PROS1: variants seen among roughly 807,000 people sequenced by gnomAD.
PROS1 encodes vitamin K-dependent protein S.
PROS1 carries 29 observed loss-of-function variants against 75.9 expected under a neutral mutation model. That is an observed-to-expected ratio of 0.38 (90% CI 0.28 to 0.52). The LOEUF (loss-of-function observed/expected upper bound fraction) is 0.52, where lower values mean the gene tolerates loss of function less well. PROS1 is among the 20% of genes least tolerant of loss of function. PROS1 has a pLI of 0.83. For synonymous variants in PROS1, 245 were observed against 280.6 expected, an observed-to-expected ratio of 0.87 and a Z score of 1.27; for missense variants, 680 against 810.3, an observed-to-expected ratio of 0.84 and a Z score of 1.95.
chr3:93,970,628 C>T (rs562843959), intron 1 of PROS1, among the ~76,000 whole-genome samples: 8 of 152,204 alleles, frequency 5.3e-5, no homozygotes, highest in Admixed American at 3.3e-4. Flanking sequence ...CAGGCATGAG[C>T]GGCTATGACC....
intron 1 of PROS1, among the ~76,000 whole-genome samples, chr3:93,930,302 G>C (rs1259691976): frequency 2.0e-5 from 3 of 152,100 alleles, no homozygotes. Context: ...AGCCTGACGT[G>C]GGCAATTATC....
At chr3:93,949,964 A>G (rs1709466473) in intron 1 of PROS1, among the ~76,000 whole-genome samples, 1 of 152,204 alleles carries the variant, frequency 6.6e-6, no homozygotes, top group Non-Finnish European at 1.5e-5. Flanking sequence ...GTACCTGGAA[A>G]ATAGGGACAC....
At chr3:93,947,368 C>T (rs1204427760) in intron 1 of PROS1, among the ~76,000 whole-genome samples, 1 of 152,014 alleles carries the variant, frequency 6.6e-6, no homozygotes, top group Non-Finnish European at 1.5e-5. Flanking sequence ...CTCTCTCCCT[C>T]TTCTGTTTGC....
At chr3:93,957,097 G>A (rs557634045) in intron 1 of PROS1, among the ~76,000 whole-genome samples, 23 of 152,040 alleles carry the variant, frequency 1.5e-4, no homozygotes, top group Middle Eastern at 6.8e-3. Context: ...CTAAAAGTCC[G>A]AAAATATAGT....
intron 1 of PROS1, among the ~76,000 whole-genome samples, chr3:93,931,009 A>G (rs1312365329): frequency 1.3e-5 from 2 of 152,238 alleles, no homozygotes; most frequent in Non-Finnish European, 2.9e-5. Context: ...AATTTTGTCT[A>G]AATATATTTG....
At chr3:93,935,871 T>C (rs1038481598) in intron 1 of PROS1, among the ~76,000 whole-genome samples, 1 of 149,998 alleles carries the variant, frequency 6.7e-6, no homozygotes, top group African/African-American at 2.5e-5. Flanking sequence ...GAGAATATCA[T>C]TGGGCTAAGG....
chr3:93,949,104 A>C (rs1709450124), intron 1 of PROS1, among the ~76,000 whole-genome samples: 1 of 152,226 alleles, frequency 6.6e-6, no homozygotes, highest in East Asian at 1.9e-4. Context: ...CTCACTAAGC[A>C]GGAGATTCCT....
intron 6 of PROS1, 61 bp downstream of exon 6, chr3:93,905,723 T>C: frequency 1.3e-6 from 2 of 1,567,778 alleles, no homozygotes; most frequent in South Asian, 2.3e-5. Flanking sequence ...TAGTAAAATT[T>C]CTCTAACTGG....
chr3:93,874,218 A>C lies in PROS1; in HGVS notation c.*27T>G. 3 of 1,610,782 alleles carry C rather than the reference A, an allele frequency of 1.9e-6. No individual in the cohort carries two copies. Among genetic ancestry groups the C allele is most frequent in the Non-Finnish European group, 2.5e-6 (3 of 1,177,160 alleles). On this transcript the variant is annotated 3_prime_UTR_variant, in exon 15 of 15. Transcript: ENST00000394236. ...ATAAGTATAATTACACACAAGGAAA[A>C]GGTATTATAAGCAGAGAAAAGATGC... is the stretch of plus-strand genomic sequence containing the variant.
intron 10 of PROS1, among the ~76,000 whole-genome samples, chr3:93,891,081 CAG>C (rs1168543518): frequency 6.6e-6 from 1 of 152,054 alleles, no homozygotes; most frequent in Non-Finnish European, 1.5e-5. Flanking sequence ...GCCTGGGTGA[CAG>C]AGCAAGACTC....
chr3:93,973,796 G>A lies in PROS1; in HGVS notation c.-47C>T. The A allele has an allele frequency of 6.5e-7, 1 of 1,536,036 alleles. No homozygotes were observed. The highest frequency in any genetic ancestry group is 1.2e-5 in the South Asian group (1 of 86,670). ...GGCAGGGACGGTGGCGCGTCGCGGC[G>A]GGGACCGGAGCGCTAGGCGCCGCGG... is the stretch of plus-strand genomic sequence containing the variant. On this transcript the variant is annotated 5_prime_UTR_variant, in exon 1 of 15. Transcript: ENST00000394236.
In PROS1 at chr3:93,910,697, G is replaced by A. The variant is rs765935815; in HGVS notation, c.268C>T (p.Arg90Cys). ...GTGAATAACCCAGTTTGAAAAGAGC[G>A]AAGACAAACTGAAAATAAAAACAAA... Reference protein sequence around the residue: ...YFYPKYLVCLRSFQTGLFTAA... With the variant: ...YFYPKYLVCLCSFQTGLFTAA... Residue 90 changes from arginine to cysteine, a missense_variant, in exon 4 of 15, where the codon CGC becomes TGC. By Grantham distance (180) the Arg-to-Cys change is radical (BLOSUM62 -3). Coordinates refer to ENST00000394236, the MANE Select transcript of PROS1 (RefSeq NM_000313.4). The A allele has an allele frequency of 6.2e-6, 10 of 1,611,612 alleles. No homozygotes were observed. The highest frequency in any genetic ancestry group is 1.7e-5 in the Admixed American group (1 of 59,872).
At chr3:93,906,374 C>T (rs1174044673) in intron 4 of PROS1, among the ~76,000 whole-genome samples, 2 of 152,206 alleles carry the variant, frequency 1.3e-5, no homozygotes, top group Non-Finnish European at 2.9e-5. Flanking sequence ...GTAGAGTGGC[C>T]GCTGCCAAGA....
At chr3:93,943,288 C>T (rs1167162745) in intron 1 of PROS1, among the ~76,000 whole-genome samples, 1 of 152,118 alleles carries the variant, frequency 6.6e-6, no homozygotes, top group Non-Finnish European at 1.5e-5. Flanking sequence ...AACTCACCAA[C>T]CAAGCAAGTA....
intron 2 of PROS1, 125 bp downstream of exon 2, chr3:93,927,125 G>A (rs540268924): frequency 1.6e-4 from 199 of 1,227,462 alleles, no homozygotes; most frequent in Admixed American, 1.4e-3. Context: ...AAGTGGTTAT[G>A]TGTGGAAGGT....
intron 14 of PROS1, among the ~76,000 whole-genome samples, chr3:93,875,890 T>C (rs1402457570): frequency 6.6e-6 from 1 of 152,204 alleles, no homozygotes; most frequent in East Asian, 1.9e-4. Context: ...TAAATAACTT[T>C]CTGCCTCTAA....
chr3:93,940,383 A>G (rs775450285), intron 1 of PROS1, among the ~76,000 whole-genome samples: 2 of 152,030 alleles, frequency 1.3e-5, no homozygotes, highest in African/African-American at 2.4e-5. Context: ...CTTCTTAATC[A>G]ATATGGAGGC....
intron 1 of PROS1, among the ~76,000 whole-genome samples, chr3:93,955,722 TAA>T (rs71621579): frequency 7.4e-6 from 1 of 135,866 alleles, no homozygotes. Context: ...ACTTAAAGTA[TAA>T]AAAAAAAAAA....
intron 14 of PROS1, among the ~76,000 whole-genome samples, chr3:93,875,957 A>C (rs578255127): frequency 6.6e-6 from 1 of 152,310 alleles, no homozygotes; most frequent in Admixed American, 6.5e-5. Flanking sequence ...TATTCAGTTA[A>C]AGATGAATCT....
Sources: allele counts gnomAD v4.1 joint callset (sites outside exome capture counted in the v4.1 genomes callset), GRCh38; gene constraint gnomAD v4.1.1; transcripts MANE v1.5; gene names NCBI Gene and HGNC (gene_info 2026-07-23, HGNC 2026-07-21).